The following NEB variants were observed in gnomAD, a reference collection of about 807,000 sequenced individuals.
NEB encodes nebulin, also known as nemaline myopathy type 2.
In NEB, 512 loss-of-function variants were observed where a neutral mutation model predicts 952.2. The observed-to-expected ratio is 0.54, with a 90% CI of 0.50 to 0.58. NEB has a LOEUF of 0.58. NEB is among the 20% of genes least tolerant of loss of function. The pLI, the probability that NEB is intolerant of heterozygous loss-of-function variation, is 0.00. For synonymous variants in NEB, 2,900 were observed against 3,149.8 expected, an observed-to-expected ratio of 0.92 and a Z score of 2.66; for missense variants, 8,428 against 9,231.1, an observed-to-expected ratio of 0.91 and a Z score of 3.56.
At chr2:151,643,492 T>C in intron 57 of NEB, 139 bp from the exon 58 acceptor site, 1 of 850,946 alleles carries the variant, frequency 1.2e-6, no homozygotes, top group Non-Finnish European at 1.7e-6. Context: ...TATTAGAAAA[T>C]TCTAAATTTT....
chr2:151,671,480 C>G (rs912919738), intron 37 of NEB: 5 of 414,862 alleles, frequency 1.2e-5, no homozygotes, highest in African/African-American at 7.9e-5. Flanking sequence ...AATTTTGTCA[C>G]TTTTGACAAT....
chr2:151,632,819 C>T (rs1031587341), intron 65 of NEB, among the ~76,000 whole-genome samples: 2 of 151,956 alleles, frequency 1.3e-5, no homozygotes, highest in African/African-American at 4.8e-5. Flanking sequence ...AACAAATAGA[C>T]AGATGGTAAG....
intron 28 of NEB, among the ~76,000 whole-genome samples, chr2:151,683,195 T>C (rs1461278974): frequency 6.6e-6 from 1 of 152,214 alleles, no homozygotes; most frequent in Non-Finnish European, 1.5e-5. Context: ...TTCCTAATTG[T>C]ATAAGACTTA....
intron 113 of NEB, 107 bp downstream of exon 113, chr2:151,567,964 A>G (rs901644224): frequency 1.2e-6 from 1 of 804,760 alleles, no homozygotes; most frequent in Non-Finnish European, 2.0e-6. Context: ...GGTCTGCCAC[A>G]CTGAAACTGA....
In NEB at chr2:151,546,367, G is replaced by A; in HGVS notation, c.20444C>T (p.Ser6815Phe). The A allele has an allele frequency of 1.2e-6, 2 of 1,612,946 alleles. No individual in the cohort carries two copies. Among genetic ancestry groups the A allele is most frequent in the Middle Eastern group, 3.3e-4 (2 of 6,016 alleles). The change falls in exon 134 of 182, where the codon TCC (serine) becomes TTC (phenylalanine). Residue 6815 changes from serine (S) to phenylalanine (F), a missense_variant. By Grantham distance (155) the Ser-to-Phe change is radical. This residue lies in a region of NEB where 3,374 missense variants were observed against 3,651.5 expected (regional missense o/e 0.92). Transcript: ENST00000397345. The stretch of plus-strand genomic sequence containing the variant: ...CACCCAGAGCTTCCGCAGGTGCCGG[G>A]AGCGGACCATGTCAGGAGTGTCATA... ...FLYDTPDMVR[S>F]RHLRKLWSNY...
At chr2:151,578,945 G>T (rs1203578793) in intron 105 of NEB, among the ~76,000 whole-genome samples, 4 of 151,394 alleles carry the variant, frequency 2.6e-5, no homozygotes, top group African/African-American at 9.7e-5. Context: ...AGCTGGGTGT[G>T]GTGCACATGC....
chr2:151,501,137 C>G (rs2064151378), intron 168 of NEB, among the ~76,000 whole-genome samples: 1 of 152,012 alleles, frequency 6.6e-6, no homozygotes, highest in Non-Finnish European at 1.5e-5. Context: ...AATCAATTAA[C>G]TTCAACAGTC....
chr2:151,528,005 T>C (rs1455033526), intron 146 of NEB, among the ~76,000 whole-genome samples: 3 of 152,334 alleles, frequency 2.0e-5, no homozygotes, highest in African/African-American at 7.2e-5. Flanking sequence ...ATTAAATGAA[T>C]TATAAAATTT....
At chr2:151,489,175 G>A (rs1042503645) in intron 181 of NEB, among the ~76,000 whole-genome samples, 4 of 152,144 alleles carry the variant, frequency 2.6e-5, no homozygotes, top group Non-Finnish European at 5.9e-5. Flanking sequence ...AGACCTTCTT[G>A]TATGTCATTT....
rs2099708834 is a variant in NEB at position 151,706,872 on chromosome 2, T to C, written c.1152+9A>G. 4 of 1,576,878 alleles carry C rather than the reference T, an allele frequency of 2.5e-6. No homozygotes were observed. The highest frequency in any genetic ancestry group is 1.2e-5 in the South Asian group (1 of 84,896). ...AGGTTTAAAAACACTTTGACAAAAA[T>C]ATACTTACGTCACTTAGGGCATCTC... On this transcript the variant is annotated intron_variant, in intron 13 of 181. Transcript: ENST00000397345.
chr2:151,624,406 G>T (rs942158837), intron 71 of NEB, among the ~76,000 whole-genome samples: 2 of 152,116 alleles, frequency 1.3e-5, no homozygotes, highest in African/African-American at 4.8e-5. Context: ...ATCTGGAATA[G>T]AAACTAACTT....
chr2:151,656,498 A>T, intron 48 of NEB, 34 bp from the exon 49 acceptor site: 1 of 1,393,472 alleles, frequency 7.2e-7, no homozygotes, highest in South Asian at 1.9e-5. Flanking sequence ...ACACAGAGCA[A>T]TTCCTTTGAC....
At chr2:151,610,732 G>T (rs771686970) in intron 79 of NEB, 30 bp downstream of exon 79, 1 of 1,592,912 alleles carries the variant, frequency 6.3e-7, no homozygotes, top group Admixed American at 1.7e-5. Context: ...ATTAATCTTA[G>T]GTTTAAGCAA....
intron 113 of NEB, 54 bp from the exon 114 acceptor site, chr2:151,567,533 A>G: frequency 6.7e-7 from 1 of 1,495,106 alleles, no homozygotes; most frequent in South Asian, 1.3e-5. Context: ...CACAAGGCAG[A>G]GGGGGCTTGA....
intron 161 of NEB, among the ~76,000 whole-genome samples, chr2:151,508,733 A>G (rs1279839755): frequency 6.6e-6 from 1 of 152,204 alleles, no homozygotes; most frequent in East Asian, 1.9e-4. Context: ...CTGGAGCACT[A>G]CTAAGGCCAG....
chr2:151,576,479 T>A, intron 105 of NEB, 125 bp from the exon 106 acceptor site: 3 of 114,234 alleles, frequency 2.6e-5, no homozygotes, highest in Non-Finnish European at 1.7e-5. Flanking sequence ...ATATATAACA[T>A]AAATACATAT....
Position 151,672,472 on chromosome 2 carries a change from A to G in NEB, c.4196T>C (p.Val1399Ala). The G allele has an allele frequency of 6.2e-7, 1 of 1,614,034 alleles. No homozygotes were observed. Among genetic ancestry groups the G allele is most frequent in the Non-Finnish European group, 8.5e-7 (1 of 1,179,880 alleles). Residue 1399 changes from valine (V) to alanine (A), a missense_variant, in exon 37 of 182, where the codon GTC becomes GCC. Coordinates refer to ENST00000397345, the MANE Select transcript of NEB (RefSeq NM_001164508.2). Reference sequence around the variant, plus strand: ...CTGTTTGTAGTTGACATTGGTAGCGACATCCTGGGCCATCTTTGCAGCTGT... The same window carrying G: ...CTGTTTGTAGTTGACATTGGTAGCGGCATCCTGGGCCATCTTTGCAGCTGT... Reference protein sequence around the residue: ...SITAAKMAQDVATNVNYKQPL... With the variant: ...SITAAKMAQDAATNVNYKQPL...
At chr2:151,654,179 C>A (rs951299629) in intron 51 of NEB, 80 bp from the exon 52 acceptor site, 3 of 771,602 alleles carry the variant, frequency 3.9e-6, no homozygotes, top group Non-Finnish European at 6.0e-6. Context: ...AGTTTACCTA[C>A]AGAGTGAATA....
chr2:151,658,319 T>C (rs2099109006), intron 47 of NEB, among the ~76,000 whole-genome samples: 1 of 152,148 alleles, frequency 6.6e-6, no homozygotes, highest in Non-Finnish European at 1.5e-5. Context: ...TAAAAGTTAC[T>C]GGTCTCTATT....
Sources: gnomAD v4.1 joint callset for allele counts (sites outside exome capture counted in the v4.1 genomes callset) on GRCh38, gnomAD v4.1.1 for gene constraint, gnomAD v4.1.1 regional missense constraint, MANE v1.5 for transcripts, NCBI Gene and HGNC (gene_info 2026-07-23, HGNC 2026-07-21) for gene names.